Variants in WDPCP observed in about 807,000 individuals in gnomAD.
WDPCP encodes the protein WD repeat-containing and planar cell polarity effector protein fritz homolog.
In WDPCP, 71 loss-of-function variants were observed where a neutral mutation model predicts 93.1. The observed-to-expected ratio is 0.76, with a 90% confidence interval of 0.63 to 0.93. The LOEUF is 0.93. WDPCP is among the 40% of genes least tolerant of loss of function. The pLI, the probability that WDPCP is intolerant of heterozygous loss-of-function variation, is 0.00. For missense variants in WDPCP, 844 were observed against 887.4 expected, an observed-to-expected ratio of 0.95 and a Z score of 0.62; for synonymous variants, 315 against 315.0, an observed-to-expected ratio of 1.00 and a Z score of 0.00.
intron 17 of WDPCP, among the ~76,000 whole-genome samples, chr2:63,140,212 A>G (rs967190973): frequency 1.3e-5 from 2 of 152,060 alleles, no homozygotes; most frequent in Non-Finnish European, 2.9e-5. Flanking sequence ...TTTGGTGACT[A>G]TGGCCTTATA....
chr2:63,430,906 G>C (rs1696707988), intron 9 of WDPCP, among the ~76,000 whole-genome samples: 2 of 152,168 alleles, frequency 1.3e-5, no homozygotes, highest in South Asian at 4.1e-4. Context: ...CTGTTGTTTA[G>C]AGTTCTGTGG....
intron 2 of WDPCP, among the ~76,000 whole-genome samples, chr2:63,774,421 C>T (rs1670272587): frequency 6.6e-6 from 1 of 151,986 alleles, no homozygotes; most frequent in Non-Finnish European, 1.5e-5. Context: ...TCTTCTGTTC[C>T]TTCTCTACAA....
intron 14 of WDPCP, among the ~76,000 whole-genome samples, chr2:63,181,778 GT>G (rs376768044): frequency 5.2e-4 from 78 of 149,158 alleles, no homozygotes; most frequent in African/African-American, 1.4e-3. Context: ...CATCTGTATG[GT>G]TTTTTTTTAA....
rs558316683 is a variant in WDPCP at position 63,796,675 on chromosome 2, G to T, written n.308+16947C>A. On this transcript the variant is annotated intron_variant and non_coding_transcript_variant, in intron 2 of 4. Coordinates refer to the WDPCP transcript ENST00000467687. ...ACAGAGGGAGCAGCCCCAGCCAGAG[G>T]AGAGCAGCAGTAGCCAGAGGAGAAT... is the stretch of plus-strand genomic sequence containing the variant. 3.3e-5 allele frequency among the ~76,000 whole-genome samples: 5 copies of T among 152,356 alleles called. No individual in the cohort carries two copies. The South Asian group carries it at 1.0e-3, about 32-fold the overall frequency.
intron 9 of WDPCP, among the ~76,000 whole-genome samples, chr2:63,418,665 G>C (rs937637443): frequency 6.6e-6 from 1 of 152,074 alleles, no homozygotes; most frequent in Non-Finnish European, 1.5e-5. Context: ...CTGTGATAAC[G>C]AACAGGGTAA....
intron 12 of WDPCP, among the ~76,000 whole-genome samples, chr2:63,376,035 C>T (rs1217279322): frequency 6.6e-6 from 1 of 151,886 alleles, no homozygotes; most frequent in Non-Finnish European, 1.5e-5. Flanking sequence ...TAATGTAATT[C>T]TAGCACTTCA....
intron 2 of WDPCP, among the ~76,000 whole-genome samples, chr2:63,686,522 A>C (rs1445436879): frequency 6.6e-6 from 1 of 152,182 alleles, no homozygotes; most frequent in Non-Finnish European, 1.5e-5. Context: ...ACCCAAAGTA[A>C]TCTGCAGATT....
intron 6 of WDPCP, among the ~76,000 whole-genome samples, chr2:63,453,679 G>A (rs958779358): frequency 6.6e-6 from 1 of 152,080 alleles, no homozygotes; most frequent in African/African-American, 2.4e-5. Context: ...CAATAGCAAA[G>A]ACGTGGAACC....
chr2:63,301,672 C>A (rs1685343287), intron 13 of WDPCP, among the ~76,000 whole-genome samples: 1 of 152,214 alleles, frequency 6.6e-6, no homozygotes, highest in South Asian at 2.1e-4. Context: ...CAACCATGAG[C>A]AGCATGTTCA....
chr2:63,540,143 A>G (rs1704599709), intron 1 of WDPCP, among the ~76,000 whole-genome samples: 1 of 152,220 alleles, frequency 6.6e-6, no homozygotes, highest in African/African-American at 2.4e-5. Flanking sequence ...AGTTTTCTAC[A>G]TTAGAAATAG....
chr2:63,476,750 T>G (rs1440868761), intron 6 of WDPCP, among the ~76,000 whole-genome samples: 1 of 152,194 alleles, frequency 6.6e-6, no homozygotes, highest in Non-Finnish European at 1.5e-5. Flanking sequence ...ACATGGTATG[T>G]CTATTATTAT....
chr2:63,280,509 C>T lies in WDPCP; in HGVS notation c.1813-21100G>A, dbSNP rs118118456. Among the ~76,000 whole-genome samples the T allele has an allele frequency of 2.6e-4, 40 of 152,172 alleles. No homozygotes were observed. The East Asian group carries it at 7.7e-3, about 29-fold the overall frequency. Reference sequence around the variant, plus strand: ...GGGACACAGCCAAACCATATCAAGCCCACAGAGCCAAAGCAAGACAAAGCA... The same window carrying T: ...GGGACACAGCCAAACCATATCAAGCTCACAGAGCCAAAGCAAGACAAAGCA... On this transcript the variant is annotated intron_variant, in intron 13 of 17. Transcript: ENST00000272321.
intron 14 of WDPCP, among the ~76,000 whole-genome samples, chr2:63,224,982 A>G (rs1277818071): frequency 6.6e-6 from 1 of 151,598 alleles, no homozygotes; most frequent in East Asian, 1.9e-4. Flanking sequence ...GAAGACTGTT[A>G]TATGTGTGGG....
chr2:63,585,803 G>A (rs572561395), intron 1 of WDPCP, among the ~76,000 whole-genome samples: 1 of 150,394 alleles, frequency 6.6e-6, no homozygotes, highest in Admixed American at 6.6e-5. Context: ...ATATATGCTA[G>A]AGATAAAATT....
At chr2:63,588,072 A>G (rs1109027) in intron 1 of WDPCP, 125 bp downstream of exon 1, 253,726 of 1,218,474 alleles carry the variant, frequency 0.21, 29,283 homozygotes, top group Non-Finnish European at 0.23. Context: ...TACTCCGCTC[A>G]GAAAAGGGAC....
intron 12 of WDPCP, among the ~76,000 whole-genome samples, chr2:63,351,944 A>C (rs1575204786): frequency 2.0e-5 from 3 of 152,094 alleles, no homozygotes; most frequent in Admixed American, 2.0e-4. Context: ...TTGTTTTCTG[A>C]CTTTTTAATA....
chr2:63,484,538 AC>A, intron 6 of WDPCP, 65 bp downstream of exon 6: 1 of 1,585,932 alleles, frequency 6.3e-7, no homozygotes, highest in Non-Finnish European at 8.7e-7. Flanking sequence ...ACACAAGAAT[AC>A]CAATTACTAC....
rs532658778 is a variant in WDPCP, at chr2:63,627,958, G to A, written n.488+22701C>T. On this transcript the variant is annotated intron_variant and non_coding_transcript_variant, in intron 3 of 4. Transcript: ENST00000467687. Reference sequence around the variant, plus strand: ...CACTGAGCTGTTTAACACTTGAGCCGTCCTCGGACGGCAAAACTAAAAGAG... The same window carrying A: ...CACTGAGCTGTTTAACACTTGAGCCATCCTCGGACGGCAAAACTAAAAGAG... 8.5e-5 allele frequency among the ~76,000 whole-genome samples: 13 copies of A among 152,280 alleles called. No individual in the cohort carries two copies. In the South Asian group the frequency reaches 1.5e-3, roughly 17 times the overall value.
chr2:63,127,153 C>T (rs1228357253), intron 17 of WDPCP, among the ~76,000 whole-genome samples: 2 of 140,572 alleles, frequency 1.4e-5, no homozygotes, highest in East Asian at 2.1e-4. Context: ...GATGGAGTCT[C>T]GCTCTGTCAC....
Sources: gnomAD v4.1 joint callset for allele counts (sites outside exome capture counted in the v4.1 genomes callset) on GRCh38, gnomAD v4.1.1 for gene constraint, MANE v1.5 for transcripts, NCBI Gene and HGNC (gene_info 2026-07-23, HGNC 2026-07-21) for gene names.